JPH3: variants seen among roughly 807,000 people sequenced by gnomAD.
JPH3 encodes the protein junctophilin-3.
A neutral mutation model predicts 59.6 loss-of-function variants in JPH3; 11 were observed. The observed-to-expected ratio is 0.18, with a 90% CI of 0.12 to 0.31. The LOEUF (loss-of-function observed/expected upper bound fraction) is 0.31. JPH3 is among the 10% of genes least tolerant of loss of function. The probability of loss-of-function intolerance (pLI) is 1.00; values close to 1 mark genes in which losing one functional copy is unlikely to be tolerated. For synonymous variants in JPH3, 673 were observed against 483.6 expected (o/e 1.39, Z -5.14); for missense variants, 1,202 against 1,105.7 (o/e 1.09, Z -1.24).
chr16:87,653,185 T>C (rs982439188), intron 2 of JPH3, among the ~76,000 whole-genome samples: 1 of 152,218 alleles, frequency 6.6e-6, no homozygotes, highest in Non-Finnish European at 1.5e-5. Context: ...TGAAATGTCC[T>C]CTGAACAGTG....
chr16:87,643,051 A>G (rs1402678864), intron 1 of JPH3, among the ~76,000 whole-genome samples: 1 of 151,964 alleles, frequency 6.6e-6, no homozygotes, highest in Non-Finnish European at 1.5e-5. Context: ...CACTGACCCC[A>G]CAACCCTCCC....
chr16:87,643,807 T>A (rs1302485377), intron 1 of JPH3, among the ~76,000 whole-genome samples: 3 of 152,024 alleles, frequency 2.0e-5, no homozygotes, highest in African/African-American at 7.2e-5. Flanking sequence ...GAAGGTACCA[T>A]GGTCTGTCTG....
chr16:87,617,606 G>A (rs921337823), intron 1 of JPH3, among the ~76,000 whole-genome samples: 1 of 145,352 alleles, frequency 6.9e-6, no homozygotes, highest in African/African-American at 2.5e-5. Context: ...CCAAGGAGTG[G>A]AGATAGTGGC....
rs1405918154 is a variant in JPH3 at position 87,639,715 on chromosome 16, C to A, written c.383-4543C>A. Among the ~76,000 whole-genome samples, 4 of 152,208 alleles carry A rather than the reference C, an allele frequency of 2.6e-5. No homozygotes were observed. In the East Asian group the frequency reaches 5.8e-4, roughly 22 times the overall value. ...GCACCCTCCGTTCTACTTTCTGTGT[C>A]TATGAGTCTGATGACTCCAGGGACC... On this transcript the variant is annotated intron_variant, in intron 1 of 4. Transcript: ENST00000284262.
chr16:87,683,971 G>T, intron 2 of JPH3, 171 bp from the exon 3 acceptor site: 1 of 590,646 alleles, frequency 1.7e-6, no homozygotes, highest in Non-Finnish European at 3.1e-6. Context: ...GATGTTTATT[G>T]AATGAATGAA....
At chr16:87,632,752 G>C (rs1371720385) in intron 1 of JPH3, among the ~76,000 whole-genome samples, 1 of 152,178 alleles carries the variant, frequency 6.6e-6, no homozygotes, top group Non-Finnish European at 1.5e-5. Context: ...AATTAGCCGG[G>C]CATGGAGGTG....
chr16:87,669,079 A>G (rs1297162949), intron 2 of JPH3, among the ~76,000 whole-genome samples: 1 of 151,870 alleles, frequency 6.6e-6, no homozygotes, highest in Non-Finnish European at 1.5e-5. Context: ...CCGGTGGCAC[A>G]GGGGCGTGGA....
At chr16:87,636,450 C>G (rs575196714) in intron 1 of JPH3, among the ~76,000 whole-genome samples, 5 of 152,288 alleles carry the variant, frequency 3.3e-5, no homozygotes, top group East Asian at 3.9e-4. Flanking sequence ...CAGTGGCTGT[C>G]GCTTTATTGA....
chr16:87,603,822 G>A (rs941986684), intron 1 of JPH3, among the ~76,000 whole-genome samples: 1 of 152,220 alleles, frequency 6.6e-6, no homozygotes, highest in African/African-American at 2.4e-5. Context: ...GGAGACCTGC[G>A]GGAAGGGCCA....
In JPH3 at chr16:87,675,116, A is replaced by C. The variant is rs187726460; in HGVS notation, c.1161-9026A>C. On this transcript the variant is annotated intron_variant, in intron 2 of 4. Transcript: ENST00000284262. ...CCAGCCACAATCCCTGAGAATAGCT[A>C]GGCAGTGGAAGGATGATTTCTACCA... is the stretch of plus-strand genomic sequence containing the variant. Among the ~76,000 whole-genome samples, 327 of 152,164 alleles carry C rather than the reference A, an allele frequency of 2.1e-3. 2 individuals are homozygous for C. The highest frequency in any genetic ancestry group is 7.5e-3 in the African/African-American group (313 of 41,480).
intron 2 of JPH3, among the ~76,000 whole-genome samples, chr16:87,658,752 C>G (rs959486393): frequency 6.6e-6 from 1 of 152,220 alleles, no homozygotes; most frequent in Non-Finnish European, 1.5e-5. Flanking sequence ...TTCCTAAGCC[C>G]CTCTCTCCTC....
Position 87,688,548 on chromosome 16 carries a change from C to G in JPH3, c.1286-1098C>G, listed in dbSNP as rs368770614. Among the ~76,000 whole-genome samples the G allele has an allele frequency of 7.9e-5, 12 of 152,128 alleles. No homozygotes were observed. The East Asian group carries it at 2.1e-3, about 27-fold the overall frequency. On this transcript the variant is annotated intron_variant, in intron 3 of 4. Transcript: ENST00000284262. ...GGTACAGGCCAGGAGAATGTCCGAG[C>G]GTGAGAGACTCTAAGATGGGCAGTG...
At chr16:87,683,496 G>C (rs1273253082) in intron 2 of JPH3, among the ~76,000 whole-genome samples, 1 of 152,026 alleles carries the variant, frequency 6.6e-6, no homozygotes, top group Non-Finnish European at 1.5e-5. Context: ...AGTAGAGACG[G>C]AGTTTCACCA....
chr16:87,612,502 A>T lies in JPH3; in HGVS notation c.382+8974A>T, dbSNP rs115137656. On this transcript the variant is annotated intron_variant, in intron 1 of 4. Coordinates refer to ENST00000284262, the MANE Select transcript of JPH3 (RefSeq NM_020655.4). ...TGATTCTAACGTTCAGCGCAGGTTGAGGACCACTCATCTGGAGCGTCTGTA... is the reference window on the plus strand; with the variant it reads ...TGATTCTAACGTTCAGCGCAGGTTGTGGACCACTCATCTGGAGCGTCTGTA... 2.2e-3 allele frequency among the ~76,000 whole-genome samples: 338 copies of T among 152,314 alleles called. 1 individual carries two copies. The highest frequency in any genetic ancestry group is 7.2e-3 in the African/African-American group (301 of 41,570).
In JPH3 at chr16:87,610,896, C is replaced by T. The variant is rs190992521; in HGVS notation, c.382+7368C>T. On this transcript the variant is annotated intron_variant, in intron 1 of 4. Transcript: ENST00000284262. ...AGAAAGGCCCATGGAAAGATGAGTA[C>T]CCTCCAGTCTGCTTAATTCCTCACT... 5.3e-5 allele frequency among the ~76,000 whole-genome samples: 8 copies of T among 152,286 alleles called. No homozygotes were observed. The East Asian group carries it at 1.5e-3, about 29-fold the overall frequency.
At chr16:87,663,115 CT>C (rs60196379) in intron 2 of JPH3, among the ~76,000 whole-genome samples, 24 of 143,354 alleles carry the variant, frequency 1.7e-4, no homozygotes, top group South Asian at 2.2e-4. Flanking sequence ...TAATTTCTTT[CT>C]TTTTTTTTTT....
chr16:87,687,419 G>A (rs894407948), intron 3 of JPH3, among the ~76,000 whole-genome samples: 3 of 152,178 alleles, frequency 2.0e-5, no homozygotes, highest in African/African-American at 7.2e-5. Flanking sequence ...CCAGCCTCTT[G>A]CTGCCTGTCT....
At position 87,644,267 on chromosome 16, in the gene JPH3, A is replaced by G. The variant is rs752246390; in HGVS notation, c.392A>G (p.Gln131Arg). Residue 131 changes from glutamine to arginine, a missense_variant, in exon 2 of 5, where the codon CAG becomes CGG. By Grantham distance (43) the Gln-to-Arg change is conservative. Coordinates refer to ENST00000284262, the MANE Select transcript of JPH3 (RefSeq NM_020655.4). Reference sequence around the variant, plus strand: ...CTCATTTTCTCCCCAGGGACCTACCAGGGCCAGTGGGTCGGTGGCATGCGC... The same window carrying G: ...CTCATTTTCTCCCCAGGGACCTACCGGGGCCAGTGGGTCGGTGGCATGCGC... Reference protein sequence around the residue: ...TETYSDGGTYQGQWVGGMRQG... With the variant: ...TETYSDGGTYRGQWVGGMRQG... 3.1e-6 allele frequency: 5 copies of G among 1,607,062 alleles called. No homozygotes were observed. The South Asian group carries it at 4.4e-5, about 14-fold the overall frequency.
Position 87,684,153 on chromosome 16 carries a change from C to G in JPH3, c.1172C>G (p.Ser391Cys). Residue 391 changes from serine to cysteine, a missense_variant, in exon 3 of 5, where the codon TCT (serine) becomes TGT (cysteine). Physicochemically the swap from Ser to Cys is moderately radical, Grantham distance 112. Coordinates refer to ENST00000284262, the MANE Select transcript of JPH3 (RefSeq NM_020655.4). Reference sequence around the variant, plus strand: ...CCTGTCTCCCCCAGGACCTCCCACTCTCGGGCAAAGGCCGAGGCAGCCCTC... The same window carrying G: ...CCTGTCTCCCCCAGGACCTCCCACTGTCGGGCAAAGGCCGAGGCAGCCCTC... The part of the protein sequence containing the change: ...AEIAASRTSH[S>C]RAKAEAALTA... 1.2e-6 allele frequency: 2 copies of G among 1,613,618 alleles called. No homozygotes were observed. The highest frequency in any genetic ancestry group is 1.7e-6 in the Non-Finnish European group (2 of 1,179,962).
Sources: allele counts gnomAD v4.1 joint callset (sites outside exome capture counted in the v4.1 genomes callset), GRCh38; gene constraint gnomAD v4.1.1; transcripts MANE v1.5; gene names NCBI Gene and HGNC (gene_info 2026-07-23, HGNC 2026-07-21).